SENP5: variants seen among roughly 807,000 people sequenced by gnomAD.
SENP5 encodes the protein sentrin-specific protease 5.
In SENP5, 21 loss-of-function variants were observed where a neutral mutation model predicts 74.2. The ratio of observed to expected loss-of-function variants is 0.28; its 90% CI spans 0.20 to 0.41. The LOEUF (loss-of-function observed/expected upper bound fraction) is 0.41. Ranked by LOEUF, SENP5 falls within the 10% of genes least tolerant of loss-of-function variation. The pLI is 1.00. For synonymous variants in SENP5, 311 were observed against 312.7 expected (o/e 0.99, Z 0.06); for missense variants, 717 against 889.1 (o/e 0.81, Z 2.46).
chr3:196,885,649 A>G lies in SENP5; in HGVS notation c.468A>G (p.Arg156=). 6.2e-7 allele frequency: 1 copy of G among 1,614,224 alleles called. No homozygotes were observed. The highest frequency in any genetic ancestry group is 8.5e-7 in the Non-Finnish European group (1 of 1,180,044). The change falls in exon 2 of 10, where the codon AGA becomes AGG. Residue 156 remains arginine, a synonymous_variant. Transcript: ENST00000323460. The part of the protein sequence containing the change: ...NSALGQANGH[R]PRTDPQPSDF... ...CTTTAGGTCAGGCCAATGGTCACAG[A>G]CCTAGGACAGACCCACAACCTTCTG...
At chr3:196,908,117 T>TA (rs971574226) in intron 6 of SENP5, among the ~76,000 whole-genome samples, 1 of 151,954 alleles carries the variant, frequency 6.6e-6, no homozygotes, top group African/African-American at 2.4e-5. Context: ...CCCGTTTCTA[T>TA]AAAAAATTTA....
At chr3:196,893,933 T>G in intron 2 of SENP5, among the ~76,000 whole-genome samples, 1 of 150,120 alleles carries the variant, frequency 6.7e-6, no homozygotes, top group South Asian at 2.1e-4. Context: ...AAAAATTTAG[T>G]GTGTTTAAGA....
At chr3:196,927,712 T>C in intron 7 of SENP5, 84 bp from the exon 8 acceptor site, 2 of 757,612 alleles carry the variant, frequency 2.6e-6, no homozygotes, top group Non-Finnish European at 4.6e-6. Flanking sequence ...AGCCTCCTCC[T>C]TTCCTTCTGT....
At chr3:196,924,647 G>A (rs539127980) in intron 7 of SENP5, among the ~76,000 whole-genome samples, 22 of 152,242 alleles carry the variant, frequency 1.4e-4, no homozygotes, top group East Asian at 3.9e-4. Context: ...TGATACAGCC[G>A]CTTGGGGATA....
chr3:196,930,167 A>G (rs772093055), intron 9 of SENP5, among the ~76,000 whole-genome samples: 2 of 152,228 alleles, frequency 1.3e-5, no homozygotes, highest in Non-Finnish European at 2.9e-5. Flanking sequence ...ATTACAGAAT[A>G]TGATGCATGA....
At chr3:196,881,202 C>T (rs1366932313) in intron 1 of SENP5, among the ~76,000 whole-genome samples, 1 of 152,136 alleles carries the variant, frequency 6.6e-6, no homozygotes, top group African/African-American at 2.4e-5. Context: ...CCCATCTCAG[C>T]CTCCCAAAGT....
chr3:196,882,160 A>G (rs1045333824), intron 1 of SENP5, among the ~76,000 whole-genome samples: 1 of 151,720 alleles, frequency 6.6e-6, no homozygotes, highest in African/African-American at 2.4e-5. Flanking sequence ...TGGCCTCCCA[A>G]AGTGCTGGGA....
intron 6 of SENP5, among the ~76,000 whole-genome samples, chr3:196,903,847 G>A (rs1243984643): frequency 1.3e-5 from 2 of 152,222 alleles, no homozygotes; most frequent in African/African-American, 4.8e-5. Flanking sequence ...CCATCATTTG[G>A]TGTTATCTGG....
chr3:196,876,449 C>T lies in SENP5; in HGVS notation c.-32+8376C>T, dbSNP rs192277780. 1.1e-3 allele frequency among the ~76,000 whole-genome samples: 167 copies of T among 147,714 alleles called. 4 individuals are homozygous for T. In the Admixed American group the frequency reaches 0.011, roughly 10 times the overall value. On this transcript the variant is annotated intron_variant, in intron 1 of 9. Coordinates refer to ENST00000323460, the MANE Select transcript of SENP5 (RefSeq NM_152699.5). ...AGGAGAATGGCGTGAACCCGGGAGG[C>T]GGAGCTTGCAGTGAGCCGAGATTGC... is the stretch of plus-strand genomic sequence containing the variant.
In SENP5 at chr3:196,927,867, T is replaced by A. The variant is rs1299167131; in HGVS notation, c.2094T>A (p.Thr698=). The change falls in exon 8 of 10, where the codon ACT becomes ACA. Residue 698 remains threonine (T), a synonymous_variant. Transcript: ENST00000323460. ...CTGAATTTCTTCAGGGTTGGCAGAC[T>A]GCTGTTACGAAGGTAAGTATGTGAT... The part of the protein sequence containing the change: ...NRPEFLQGWQ[T]AVTKCIPQQK... The A allele has an allele frequency of 6.2e-7, 1 of 1,608,342 alleles. No homozygotes were observed. The highest frequency in any genetic ancestry group is 1.3e-5 in the African/African-American group (1 of 74,804).
intron 6 of SENP5, 38 bp from the exon 7 acceptor site, chr3:196,923,376 G>A (rs949055975): frequency 3.2e-6 from 5 of 1,583,316 alleles, no homozygotes; most frequent in Non-Finnish European, 4.3e-6. Flanking sequence ...TGGATAGCCT[G>A]TGGTGATGGC....
At chr3:196,903,717 G>C (rs1256621283) in intron 6 of SENP5, 107 bp downstream of exon 6, 1 of 614,452 alleles carries the variant, frequency 1.6e-6, no homozygotes. Context: ...AGTAGAAACA[G>C]ACTTTTTAAT....
At position 196,932,230 on chromosome 3, in the gene SENP5, C is replaced by T. The variant is rs1716062096; in HGVS notation, c.*1307C>T. 1 of 158,700 alleles carries T rather than the reference C, an allele frequency of 6.3e-6. No homozygotes were observed. The allele number at this position is 158,700 out of a possible 1,614,324, so 9.8% of individuals were successfully genotyped here. ...TGTGAAACCTACCCAGTTACCCTTT[C>T]TGAATTGGGAGGAAAACCAACCAAT... is the stretch of plus-strand genomic sequence containing the variant. On this transcript the variant is annotated 3_prime_UTR_variant, in exon 10 of 10. Transcript: ENST00000323460.
chr3:196,873,264 G>A (rs944709035), intron 1 of SENP5, among the ~76,000 whole-genome samples: 1 of 151,374 alleles, frequency 6.6e-6, no homozygotes, highest in African/African-American at 2.4e-5. Flanking sequence ...GTAGAGACGG[G>A]GTTTCTCCAT....
chr3:196,918,317 AAGT>A (rs1344111164), intron 6 of SENP5, among the ~76,000 whole-genome samples: 1 of 151,048 alleles, frequency 6.6e-6, no homozygotes, highest in African/African-American at 2.4e-5. Context: ...AAAAAAAAAA[AAGT>A]AGAAACAACA....
chr3:196,916,873 C>T (rs1341611440), intron 6 of SENP5, among the ~76,000 whole-genome samples: 1 of 152,082 alleles, frequency 6.6e-6, no homozygotes, highest in Non-Finnish European at 1.5e-5. Context: ...GCGACTCACA[C>T]CTGTAATCCC....
chr3:196,916,170 C>CA (rs1400514848), intron 6 of SENP5, among the ~76,000 whole-genome samples: 12 of 151,684 alleles, frequency 7.9e-5, no homozygotes, highest in Admixed American at 7.2e-4. Context: ...ACTAAAAATA[C>CA]AAAAAAATTA....
In SENP5 at chr3:196,876,393, C is replaced by T. The variant is rs148127928; in HGVS notation, c.-32+8320C>T. On this transcript the variant is annotated intron_variant, in intron 1 of 9. Transcript: ENST00000323460. The stretch of plus-strand genomic sequence containing the variant: ...AAAAAAAATTAGCCGGGCCTGGTGG[C>T]GGGCGTCTATAGTCCCAGCTAGGCT... Among the ~76,000 whole-genome samples the T allele has an allele frequency of 5.1e-3, 775 of 151,842 alleles. 5 individuals carry two copies. The highest frequency in any genetic ancestry group is 0.017 in the African/African-American group (701 of 41,400).
At chr3:196,898,910 C>G (rs908896953) in intron 2 of SENP5, among the ~76,000 whole-genome samples, 2 of 151,826 alleles carry the variant, frequency 1.3e-5, no homozygotes, top group African/African-American at 4.8e-5. Context: ...CCATTCGTCT[C>G]TACTAAAAAT....
Sources: allele counts gnomAD v4.1 joint callset (sites outside exome capture counted in the v4.1 genomes callset), GRCh38; gene constraint gnomAD v4.1.1; transcripts MANE v1.5; gene names NCBI Gene and HGNC (gene_info 2026-07-23, HGNC 2026-07-21).